Variants in UGGT2 observed in about 807,000 individuals in gnomAD.
UGGT2 encodes UDP-glucose glycoprotein glucosyltransferase 2.
In UGGT2, 180 loss-of-function variants were observed where a neutral mutation model predicts 192.1. The ratio of observed to expected loss-of-function variants is 0.94; its 90% CI spans 0.83 to 1.06. The LOEUF is 1.06. Ranked by LOEUF, UGGT2 falls within the 50% of genes least tolerant of loss-of-function variation. UGGT2 has a pLI of 0.00. For synonymous variants in UGGT2, 580 were observed against 591.0 expected (o/e 0.98, Z 0.27); for missense variants, 1,849 against 1,795.7 (o/e 1.03, Z -0.54).
At chr13:95,870,826 T>C (rs1212474903) in intron 29 of UGGT2, among the ~76,000 whole-genome samples, 1 of 152,226 alleles carries the variant, frequency 6.6e-6, no homozygotes, top group Admixed American at 6.5e-5. Context: ...GGTGGGACCC[T>C]TAATAGGTGA....
intron 36 of UGGT2, among the ~76,000 whole-genome samples, chr13:95,844,724 C>T (rs1228819884): frequency 6.6e-6 from 1 of 152,200 alleles, no homozygotes; most frequent in Non-Finnish European, 1.5e-5. Context: ...GACTGTCCCC[C>T]TTACCCGTCC....
At chr13:95,894,449 C>T in intron 24 of UGGT2, 113 bp downstream of exon 24, 2 of 755,756 alleles carry the variant, frequency 2.6e-6, no homozygotes, top group Non-Finnish European at 4.3e-6. Context: ...TACATTTATT[C>T]CCTAATAAAT....
At chr13:95,886,463 A>G (rs1350366228) in intron 26 of UGGT2, among the ~76,000 whole-genome samples, 1 of 152,208 alleles carries the variant, frequency 6.6e-6, no homozygotes, top group African/African-American at 2.4e-5. Context: ...TTATTACATA[A>G]TGTGATGTTT....
intron 29 of UGGT2, among the ~76,000 whole-genome samples, chr13:95,868,097 G>T (rs1203834625): frequency 6.6e-6 from 1 of 152,086 alleles, no homozygotes; most frequent in South Asian, 2.1e-4. Context: ...TTGTTGAAGG[G>T]GAAGCAATCA....
intron 20 of UGGT2, among the ~76,000 whole-genome samples, chr13:95,922,204 C>A (rs1235219463): frequency 6.6e-6 from 1 of 152,170 alleles, no homozygotes; most frequent in African/African-American, 2.4e-5. Flanking sequence ...AACACAAAAC[C>A]AGAAAATCAA....
chr13:96,047,642 T>A (rs1053828361), intron 1 of UGGT2, among the ~76,000 whole-genome samples: 3 of 152,012 alleles, frequency 2.0e-5, no homozygotes, highest in Admixed American at 1.3e-4. Context: ...TGGAGGAAGA[T>A]CTACCAAGCA....
At chr13:95,823,784 G>A (rs1163643657) in intron 38 of UGGT2, among the ~76,000 whole-genome samples, 1 of 152,002 alleles carries the variant, frequency 6.6e-6, no homozygotes, top group Non-Finnish European at 1.5e-5. Context: ...ATGGGGTAAT[G>A]TTCTATTCAT....
intron 15 of UGGT2, among the ~76,000 whole-genome samples, chr13:95,942,000 A>C (rs1029977396): frequency 3.3e-5 from 5 of 152,190 alleles, no homozygotes; most frequent in African/African-American, 1.2e-4. Context: ...AGCTTTAAGA[A>C]GTATATGGTA....
At chr13:95,805,524 C>G (rs1264830547) in intron 38 of UGGT2, among the ~76,000 whole-genome samples, 1 of 152,056 alleles carries the variant, frequency 6.6e-6, no homozygotes, top group Non-Finnish European at 1.5e-5. Context: ...GAAAGCAAAC[C>G]AAATGTCCAT....
chr13:95,865,860 C>T (rs567954019), intron 30 of UGGT2, among the ~76,000 whole-genome samples: 1 of 152,234 alleles, frequency 6.6e-6, no homozygotes, highest in South Asian at 2.1e-4. Context: ...TCATAAAGTG[C>T]TTTATCTTAT....
In UGGT2 at chr13:95,959,124, G is replaced by A. The variant is rs541566719; in HGVS notation, c.1336-9670C>T. ...AGCCCCCGCATCTCCATATCTCTGG[G>A]GTCCCACTGACATTCCCTGCTAGGG... On this transcript the variant is annotated intron_variant, in intron 12 of 38. Coordinates refer to ENST00000376747, the MANE Select transcript of UGGT2 (RefSeq NM_020121.4). Among the ~76,000 whole-genome samples the A allele has an allele frequency of 1.7e-4, 26 of 152,288 alleles. 1 individual carries two copies. In the South Asian group the frequency reaches 5.4e-3, roughly 32 times the overall value.
chr13:95,863,764 G>T, intron 30 of UGGT2, 50 bp from the exon 31 acceptor site: 1 of 1,424,972 alleles, frequency 7.0e-7, no homozygotes, highest in Non-Finnish European at 9.9e-7. Flanking sequence ...TAAATATTGT[G>T]CTGTATGGTT....
chr13:95,885,393 G>A (rs779242253), intron 26 of UGGT2, among the ~76,000 whole-genome samples: 23 of 152,258 alleles, frequency 1.5e-4, no homozygotes, highest in African/African-American at 4.1e-4. Flanking sequence ...AATGAGGACC[G>A]CAGTTCCTTG....
At chr13:95,951,517 A>G (rs1021702541) in intron 12 of UGGT2, among the ~76,000 whole-genome samples, 7 of 152,200 alleles carry the variant, frequency 4.6e-5, no homozygotes, top group Admixed American at 3.3e-4. Context: ...CCCATTCCCA[A>G]TGGAGCTCAG....
chr13:95,897,330 T>C (rs1255296102), intron 22 of UGGT2, among the ~76,000 whole-genome samples: 1 of 152,124 alleles, frequency 6.6e-6, no homozygotes, highest in Non-Finnish European at 1.5e-5. Flanking sequence ...TTTTGTTCCC[T>C]ACTCCCTGCT....
At chr13:96,021,766 AAAT>A (rs1351178700) in intron 4 of UGGT2, among the ~76,000 whole-genome samples, 1 of 152,184 alleles carries the variant, frequency 6.6e-6, no homozygotes, top group African/African-American at 2.4e-5. Context: ...ATAGTTGAAA[AAAT>A]AATTGATAAA....
At chr13:96,001,872 T>C (rs547828839) in intron 5 of UGGT2, among the ~76,000 whole-genome samples, 93 of 152,310 alleles carry the variant, frequency 6.1e-4, no homozygotes, top group African/African-American at 2.1e-3. Flanking sequence ...TTTATGATGA[T>C]CCACTTCTAT....
chr13:96,000,758 A>T (rs1299762706), intron 5 of UGGT2, among the ~76,000 whole-genome samples: 1 of 152,160 alleles, frequency 6.6e-6, no homozygotes, highest in Non-Finnish European at 1.5e-5. Context: ...TCCTAAATTC[A>T]TATTTACTTT....
intron 17 of UGGT2, among the ~76,000 whole-genome samples, chr13:95,927,726 G>A (rs898511874): frequency 5.3e-5 from 8 of 151,602 alleles, no homozygotes; most frequent in Admixed American, 3.9e-4. Flanking sequence ...GGGATTTGGC[G>A]GGGTCACAGG....
Sources: gnomAD v4.1 joint callset for allele counts (sites outside exome capture counted in the v4.1 genomes callset) on GRCh38, gnomAD v4.1.1 for gene constraint, MANE v1.5 for transcripts, NCBI Gene and HGNC (gene_info 2026-07-23, HGNC 2026-07-21) for gene names.